Variants in MAN2B2 observed in about 807,000 individuals in gnomAD.
MAN2B2 encodes epididymis-specific alpha-mannosidase.
Under a neutral mutation model 117.1 loss-of-function variants are expected in MAN2B2, and 106 were observed. The ratio of observed to expected loss-of-function variants is 0.90; its 90% CI spans 0.77 to 1.06. The LOEUF (loss-of-function observed/expected upper bound fraction) is 1.06. Ranked by LOEUF, MAN2B2 falls within the 50% of genes least tolerant of loss-of-function variation. MAN2B2 has a pLI of 0.00. For missense variants in MAN2B2, 1,326 were observed against 1,381.4 expected, an observed-to-expected ratio of 0.96 and a Z score of 0.64; for synonymous variants, 544 against 595.1, an observed-to-expected ratio of 0.91 and a Z score of 1.25.
intron 15 of MAN2B2, 75 bp downstream of exon 15, chr4:6,611,353 G>A: frequency 6.9e-7 from 1 of 1,442,534 alleles, no homozygotes; most frequent in East Asian, 2.4e-5. Context: ...CTTGGGAGGG[G>A]CCTGTGCCCT....
At chr4:6,608,975 A>G (rs1727650659) in intron 11 of MAN2B2, 132 bp from the exon 12 acceptor site, 3 of 741,790 alleles carry the variant, frequency 4.0e-6, no homozygotes, top group Non-Finnish European at 4.4e-6. Flanking sequence ...CTTCTAGATG[A>G]GCTGAGTCAC....
At chr4:6,602,040 C>A (rs1015219244) in intron 10 of MAN2B2, among the ~76,000 whole-genome samples, 3 of 152,196 alleles carry the variant, frequency 2.0e-5, no homozygotes, top group African/African-American at 4.8e-5. Context: ...TGTCATCATC[C>A]CTGTCATCCC....
intron 3 of MAN2B2, among the ~76,000 whole-genome samples, chr4:6,580,981 C>G (rs982533257): frequency 1.3e-5 from 2 of 152,174 alleles, no homozygotes; most frequent in African/African-American, 2.4e-5. Flanking sequence ...TTGTGAGGCT[C>G]CATTTCCAAA....
chr4:6,604,938 G>A lies in MAN2B2; in HGVS notation c.1540-117G>A, dbSNP rs536362980. 1.2e-4 allele frequency: 157 copies of A among 1,257,776 alleles called. 2 individuals are homozygous for A. The Middle Eastern group carries it at 2.3e-3, about 18-fold the overall frequency. 77.9% of individuals were successfully genotyped at this position (1,257,776 alleles called of 1,614,324 possible). On this transcript the variant is annotated intron_variant, in intron 10 of 18. Coordinates refer to ENST00000285599, the MANE Select transcript of MAN2B2 (RefSeq NM_015274.3). ...AAGCCAGAACTGGGGGCAGGGAGGA[G>A]AAATCGGCAGGATCCGAGAGATGGA...
chr4:6,593,599 C>T (rs774511369), intron 6 of MAN2B2, among the ~76,000 whole-genome samples: 21 of 152,240 alleles, frequency 1.4e-4, no homozygotes, highest in Non-Finnish European at 3.1e-4. Flanking sequence ...CCTGCCTGGG[C>T]CGGGCTGGCT....
At chr4:6,579,408 C>T (rs1726330572) in intron 3 of MAN2B2, among the ~76,000 whole-genome samples, 2 of 114,608 alleles carry the variant, frequency 1.7e-5, no homozygotes, top group South Asian at 3.4e-4. Context: ...CCACCACCAC[C>T]ATCACCATCA....
chr4:6,600,384 A>C (rs1727279353), intron 9 of MAN2B2, among the ~76,000 whole-genome samples: 1 of 152,182 alleles, frequency 6.6e-6, no homozygotes. Context: ...GGCGACACGG[A>C]CACCTTATGT....
chr4:6,613,242 G>A (rs1264765099), intron 15 of MAN2B2, among the ~76,000 whole-genome samples: 3 of 152,152 alleles, frequency 2.0e-5, no homozygotes, highest in African/African-American at 7.2e-5. Flanking sequence ...TGAGCAGAGA[G>A]ACCAGTAGAT....
At chr4:6,620,255 A>C (rs1577300035) in intron 18 of MAN2B2, 4 of 522,846 alleles carry the variant, frequency 7.7e-6, no homozygotes, top group Non-Finnish European at 1.4e-5. Flanking sequence ...GGCTCCACAC[A>C]GGCGTGTGTG....
At chr4:6,603,526 A>G (rs1448094685) in intron 10 of MAN2B2, among the ~76,000 whole-genome samples, 5 of 152,158 alleles carry the variant, frequency 3.3e-5, no homozygotes. Flanking sequence ...GGGTCTGAGC[A>G]GACCCCCACA....
At position 6,609,342 on chromosome 4, in the gene MAN2B2, C is replaced by T. The variant is rs758503537; in HGVS notation, c.2006+44C>T. 24 of 1,576,712 alleles carry T rather than the reference C, an allele frequency of 1.5e-5. No individual in the cohort carries two copies. The East Asian group carries it at 2.0e-4, about 13-fold the overall frequency. On this transcript the variant is annotated intron_variant, in intron 12 of 18. Transcript: ENST00000285599. ...CCCCCACAGCCCGGCACACAGTCAG[C>T]GCACGCGTGCAGGCAGCTCAGTGAA...
rs765784856 is a variant in MAN2B2 at position 6,610,020 on chromosome 4, C to G, written c.2229C>G (p.Tyr743Ter). The change falls in exon 13 of 19, where the codon TAC (tyrosine) becomes TAG (stop). Residue 743 changes from tyrosine to a stop codon, truncating the protein, a stop_gained. Coordinates refer to ENST00000285599, the MANE Select transcript of MAN2B2 (RefSeq NM_015274.3). LOFTEE classifies it high-confidence loss of function. ...GCTACCAGATGCAGCGGAGGCCCTA[C>G]GTTTCCTATGTGAACAACAGCATCG... Reference protein sequence around the residue: ...NNGYQMQRRPYVSYVNNSIAR... With the variant: ...NNGYQMQRRP 1 of 1,614,166 alleles carries G rather than the reference C, an allele frequency of 6.2e-7. No individual in the cohort carries two copies. The highest frequency in any genetic ancestry group is 1.1e-5 in the South Asian group (1 of 91,084).
In MAN2B2 at chr4:6,609,798, G is replaced by A; in HGVS notation, c.2007G>A (p.Arg669=). The A allele has an allele frequency of 6.2e-7, 1 of 1,612,664 alleles. No homozygotes were observed. The highest frequency in any genetic ancestry group is 8.5e-7 in the Non-Finnish European group (1 of 1,178,984). ...TTACTGATGCTCCCTTCTCCTCCAG[G>A]AACATGACAGCACAGAATTACACGT... ...LVTEIRQYFY[R]NMTAQNYTYA... is the part of the protein sequence containing the mutation. The change falls in exon 13 of 19, where the codon AGG becomes AGA. Residue 669 remains arginine (R), a splice_region_variant and synonymous_variant. Transcript: ENST00000285599.
chr4:6,578,607 T>C, intron 3 of MAN2B2, 109 bp downstream of exon 3: 2 of 850,908 alleles, frequency 2.4e-6, no homozygotes, highest in Non-Finnish European at 3.7e-6. Flanking sequence ...CTTAGTGGGG[T>C]CGGGGACCTT....
intron 16 of MAN2B2, among the ~76,000 whole-genome samples, chr4:6,614,649 C>G (rs576083943): frequency 3.2e-4 from 49 of 152,290 alleles, no homozygotes; most frequent in Admixed American, 9.2e-4. Flanking sequence ...GTTAAAGTCC[C>G]CCTGACCCCC....
chr4:6,575,444 G>C (rs1726020406), intron 1 of MAN2B2, 96 bp downstream of exon 1: 1 of 984,942 alleles, frequency 1.0e-6, no homozygotes, highest in Non-Finnish European at 1.4e-6. Context: ...CCCGATGCCG[G>C]CGCAGAAGGA....
chr4:6,577,122 G>T (rs1403453155), intron 2 of MAN2B2, among the ~76,000 whole-genome samples: 1 of 152,134 alleles, frequency 6.6e-6, no homozygotes, highest in Non-Finnish European at 1.5e-5. Context: ...CTTGATGAGG[G>T]TGCGATAGTC....
chr4:6,619,691 C>T, intron 17 of MAN2B2: 1 of 448,616 alleles, frequency 2.2e-6, no homozygotes, highest in Non-Finnish European at 4.1e-6. Flanking sequence ...AGCTCGGCCA[C>T]CTGGTAAAGC....
intron 15 of MAN2B2, among the ~76,000 whole-genome samples, chr4:6,613,620 G>A (rs1371654261): frequency 2.8e-5 from 4 of 141,148 alleles, no homozygotes; most frequent in African/African-American, 1.0e-4. Flanking sequence ...GAATGGAAGG[G>A]AGGGGAGGGG....
Sources: gnomAD v4.1 joint callset for allele counts (sites outside exome capture counted in the v4.1 genomes callset) on GRCh38, gnomAD v4.1.1 for gene constraint, MANE v1.5 for transcripts, NCBI Gene and HGNC (gene_info 2026-07-23, HGNC 2026-07-21) for gene names.